TNFRSF8: variants seen among roughly 807,000 people sequenced by gnomAD.
The protein encoded by TNFRSF8 is TNF receptor superfamily member 8, also known as tumor necrosis factor receptor superfamily member 8.
A neutral mutation model predicts 70.8 loss-of-function variants in TNFRSF8; 26 were observed. The ratio of observed to expected loss-of-function variants is 0.37; its 90% CI spans 0.27 to 0.51. The LOEUF (loss-of-function observed/expected upper bound fraction) is 0.51, where lower values mean the gene tolerates loss of function less well. TNFRSF8 is among the 20% of genes least tolerant of loss of function. The probability of loss-of-function intolerance (pLI) is 0.94; values close to 1 mark genes in which losing one functional copy is unlikely to be tolerated. For synonymous variants in TNFRSF8, 356 were observed against 339.2 expected, an observed-to-expected ratio of 1.05 and a Z score of -0.54; for missense variants, 720 against 807.9, an observed-to-expected ratio of 0.89 and a Z score of 1.32.
intron 8 of TNFRSF8, 67 bp downstream of exon 8, chr1:12,115,796 C>T (rs1641719226): frequency 6.4e-7 from 1 of 1,561,260 alleles, no homozygotes; most frequent in East Asian, 2.3e-5. Context: ...TGTGCCTCTC[C>T]CCACCAACAG....
chr1:12,122,096 C>T (rs895996767), intron 8 of TNFRSF8, among the ~76,000 whole-genome samples: 6 of 152,102 alleles, frequency 3.9e-5, no homozygotes, highest in Non-Finnish European at 7.4e-5. Flanking sequence ...CACTAGGGAA[C>T]CTTCTGGAGG....
In TNFRSF8 at chr1:12,142,476, C is replaced by T; in HGVS notation, c.1733C>T (p.Ser578Leu). 6.2e-7 allele frequency: 1 copy of T among 1,606,268 alleles called. No individual in the cohort carries two copies. The highest frequency in any genetic ancestry group is 8.5e-7 in the Non-Finnish European group (1 of 1,176,620). The change falls in exon 15 of 15, where the codon TCA (serine) becomes TTA (leucine). Residue 578 changes from serine (S) to leucine (L), a missense_variant. Physicochemically the swap from Ser to Leu is moderately radical, Grantham distance 145. Transcript: ENST00000263932. This position sits in a 1 kb window ranked among gnomAD's most constrained non-coding sequence, Gnocchi z 5.0. ...GGCAGCTGCAGCGATGTCATGCTCT[C>T]AGTGGAAGAGGAAGGGAAAGAAGAC... ...PLGSCSDVMLSVEEEGKEDPL... is the reference protein window; with the variant it reads ...PLGSCSDVMLLVEEEGKEDPL...
At chr1:12,079,996 T>C (rs1266683842) in intron 1 of TNFRSF8, among the ~76,000 whole-genome samples, 3 of 151,258 alleles carry the variant, frequency 2.0e-5, no homozygotes, top group Non-Finnish European at 4.4e-5. Context: ...TTGCTCATGC[T>C]GGAGTGCAAT....
chr1:12,118,027 T>A (rs1641763197), intron 8 of TNFRSF8, among the ~76,000 whole-genome samples: 1 of 152,216 alleles, frequency 6.6e-6, no homozygotes, highest in South Asian at 2.1e-4. Context: ...AAGACTTGAT[T>A]TCTTTCCTTA....
chr1:12,129,915 A>AT (rs1553158684), intron 12 of TNFRSF8, among the ~76,000 whole-genome samples: 2 of 151,780 alleles, frequency 1.3e-5, no homozygotes, highest in African/African-American at 2.4e-5. Context: ...TTATTTGTTT[A>AT]TTTTTTTGAG....
intron 7 of TNFRSF8, among the ~76,000 whole-genome samples, chr1:12,114,986 C>T (rs570321108): frequency 2.0e-5 from 3 of 152,116 alleles, no homozygotes; most frequent in South Asian, 2.1e-4. Flanking sequence ...GGATTACAGT[C>T]GTGAGCCACC....
At chr1:12,069,288 C>T (rs1640800301) in intron 1 of TNFRSF8, among the ~76,000 whole-genome samples, 1 of 148,542 alleles carries the variant, frequency 6.7e-6, no homozygotes, top group African/African-American at 2.5e-5. Flanking sequence ...AAGTGATTCT[C>T]CTGCCTCAGC....
Position 12,098,170 on chromosome 1 carries a change from A to G in TNFRSF8, c.268+953A>G, listed in dbSNP as rs575206678. 2.0e-5 allele frequency among the ~76,000 whole-genome samples: 3 copies of G among 152,200 alleles called. No homozygotes were observed. In the South Asian group the frequency reaches 6.2e-4, roughly 32 times the overall value. Reference sequence around the variant, plus strand: ...TTGTAATGCCTTTTCCCTTAATTTCACATTTGTTTGGCATTAATATTGCTA... The same window carrying G: ...TTGTAATGCCTTTTCCCTTAATTTCGCATTTGTTTGGCATTAATATTGCTA... On this transcript the variant is annotated intron_variant, in intron 3 of 14. Coordinates refer to ENST00000263932, the MANE Select transcript of TNFRSF8 (RefSeq NM_001243.5).
At chr1:12,092,505 T>A (rs1416916457) in intron 2 of TNFRSF8, among the ~76,000 whole-genome samples, 2 of 146,302 alleles carry the variant, frequency 1.4e-5, no homozygotes, top group Non-Finnish European at 3.0e-5. Flanking sequence ...TTTATTTTTC[T>A]TGTCTTTTTT....
At chr1:12,094,139 G>A (rs1462921668) in intron 2 of TNFRSF8, among the ~76,000 whole-genome samples, 1 of 151,136 alleles carries the variant, frequency 6.6e-6, no homozygotes, top group South Asian at 2.1e-4. Flanking sequence ...CACCGCACCC[G>A]ATGGAGCTGA....
intron 8 of TNFRSF8, among the ~76,000 whole-genome samples, chr1:12,116,122 C>A (rs1310768265): frequency 6.6e-6 from 1 of 152,126 alleles, no homozygotes; most frequent in Non-Finnish European, 1.5e-5. Flanking sequence ...GCTGGGGTTA[C>A]AAGCATTCGC....
At chr1:12,107,381 T>A (rs1641543649) in intron 4 of TNFRSF8, among the ~76,000 whole-genome samples, 2 of 151,084 alleles carry the variant, frequency 1.3e-5, no homozygotes, top group Non-Finnish European at 2.9e-5. Context: ...GGCGACAGAG[T>A]TAGACTCTGT....
At position 12,109,716 on chromosome 1, in the gene TNFRSF8, C is replaced by T. The variant is rs1210226451; in HGVS notation, c.512+60C>T. 4.2e-6 allele frequency: 6 copies of T among 1,433,900 alleles called. No homozygotes were observed. Among genetic ancestry groups the T allele is most frequent in the Non-Finnish European group, 5.9e-6 (6 of 1,021,704 alleles). 88.8% of individuals were successfully genotyped at this position (1,433,900 alleles called of 1,614,324 possible). A position where few individuals can be genotyped will look rare whatever the true frequency, so the allele number is the denominator to read the frequency against. On this transcript the variant is annotated intron_variant, in intron 5 of 14. Coordinates refer to ENST00000263932, the MANE Select transcript of TNFRSF8 (RefSeq NM_001243.5). The surrounding 1 kb of genome is among the most constrained non-coding windows in gnomAD (Gnocchi z 4.4). ...AAGCTGGCTTTCAGATGAGGCTGCC[C>T]CACCCCACAGGACGCCCATGGTACA...
intron 4 of TNFRSF8, among the ~76,000 whole-genome samples, chr1:12,105,818 AATTCC>A (rs1641512184): frequency 6.6e-6 from 1 of 151,998 alleles, no homozygotes; most frequent in Non-Finnish European, 1.5e-5. Flanking sequence ...GGTGCCCTGT[AATTCC>A]ATTTACTCAG....
intron 3 of TNFRSF8, 62 bp downstream of exon 3, chr1:12,097,279 G>C: frequency 1.6e-6 from 2 of 1,259,188 alleles, no homozygotes; most frequent in Admixed American, 3.5e-5. Flanking sequence ...CCTCAGAGGA[G>C]AGGTGAAGAA....
chr1:12,092,254 C>G (rs1641258686), intron 2 of TNFRSF8, among the ~76,000 whole-genome samples: 1 of 152,120 alleles, frequency 6.6e-6, no homozygotes, highest in East Asian at 1.9e-4. Context: ...TCATAGCCCA[C>G]TGCAACCTCT....
At chr1:12,096,424 TAAAAA>T (rs34433681) in intron 2 of TNFRSF8, among the ~76,000 whole-genome samples, 6 of 135,088 alleles carry the variant, frequency 4.4e-5, no homozygotes, top group African/African-American at 1.1e-4. Context: ...GCTGATGAGC[TAAAAA>T]AAAAAAAAAA....
rs1294106678 is a variant in TNFRSF8, at chr1:12,115,632, T to C, written c.849T>C (p.Cys283=). The C allele has an allele frequency of 2.5e-6, 4 of 1,614,092 alleles. No homozygotes were observed. The highest frequency in any genetic ancestry group is 3.4e-6 in the Non-Finnish European group (4 of 1,180,042). Residue 283 remains cysteine, a synonymous_variant, in exon 8 of 15, where the codon TGT becomes TGC. Transcript: ENST00000263932. ...CAWNSSRTCE[C]RPGMICATSA... ...GGAACTCCTCCCGCACCTGCGAATG[T>C]CGACCTGGCATGATCTGTGCCACAT...
intron 1 of TNFRSF8, among the ~76,000 whole-genome samples, chr1:12,081,164 G>A (rs1641056385): frequency 6.6e-6 from 1 of 152,214 alleles, no homozygotes; most frequent in Admixed American, 6.5e-5. Flanking sequence ...TGACCCAGGT[G>A]TGATGGCAGG....
Sources: gnomAD v4.1 joint callset for allele counts (sites outside exome capture counted in the v4.1 genomes callset) on GRCh38, gnomAD v4.1.1 for gene constraint, Gnocchi (gnomAD v3.1) non-coding constraint, MANE v1.5 for transcripts, NCBI Gene and HGNC (gene_info 2026-07-23, HGNC 2026-07-21) for gene names.